SUSD4: variants seen among roughly 807,000 people sequenced by gnomAD.
SUSD4 encodes sushi domain-containing protein 4.
A neutral mutation model predicts 50.5 loss-of-function variants in SUSD4; 41 were observed. The observed-to-expected ratio is 0.81, with a 90% CI of 0.63 to 1.05. SUSD4 has a LOEUF of 1.05. Among genes scored for constraint, SUSD4 ranks in the 50% least tolerant of loss-of-function variants. The pLI is 0.00. For synonymous variants in SUSD4, 257 were observed against 257.3 expected (o/e 1.00, Z 0.01); for missense variants, 580 against 634.7 (o/e 0.91, Z 0.93).
chr1:223,264,936 C>T, intron 4 of SUSD4, 118 bp from the exon 5 acceptor site: 1 of 1,033,590 alleles, frequency 9.7e-7, no homozygotes, highest in Non-Finnish European at 1.4e-6. Flanking sequence ...GAAAATGGCA[C>T]CACCTCTGAA....
intron 5 of SUSD4, among the ~76,000 whole-genome samples, chr1:223,236,581 A>G (rs141727897): frequency 1.8e-4 from 27 of 151,824 alleles, no homozygotes; most frequent in Middle Eastern, 3.4e-3. Context: ...TGGATGCCCA[A>G]TAGTTCCAGC....
chr1:223,226,739 C>T (rs572087503), intron 7 of SUSD4, among the ~76,000 whole-genome samples: 2 of 152,194 alleles, frequency 1.3e-5, no homozygotes, highest in South Asian at 4.2e-4. Flanking sequence ...GCATTAGGTT[C>T]TGAAATGAGA....
At chr1:223,359,322 C>A (rs1315350384) in intron 2 of SUSD4, among the ~76,000 whole-genome samples, 1 of 152,132 alleles carries the variant, frequency 6.6e-6, no homozygotes, top group Non-Finnish European at 1.5e-5. Flanking sequence ...CCAGATTAAA[C>A]GGACTATTTT....
At chr1:223,251,647 T>C (rs1258408222) in intron 5 of SUSD4, among the ~76,000 whole-genome samples, 3 of 152,258 alleles carry the variant, frequency 2.0e-5, no homozygotes, top group African/African-American at 7.2e-5. Flanking sequence ...TAATCCAGTC[T>C]ATCATTGTTG....
intron 2 of SUSD4, among the ~76,000 whole-genome samples, chr1:223,331,207 G>A (rs1384684858): frequency 1.3e-5 from 2 of 152,166 alleles, no homozygotes; most frequent in South Asian, 2.1e-4. Flanking sequence ...AACTGCTCAG[G>A]ATGGTGATGA....
At chr1:223,288,383 C>T (rs1483900697) in intron 3 of SUSD4, among the ~76,000 whole-genome samples, 4 of 152,194 alleles carry the variant, frequency 2.6e-5, no homozygotes, top group Admixed American at 6.5e-5. Flanking sequence ...TCAATTAAAC[C>T]TCTTTTCTTG....
intron 2 of SUSD4, among the ~76,000 whole-genome samples, chr1:223,303,120 C>A (rs936571254): frequency 2.0e-5 from 3 of 151,878 alleles, no homozygotes; most frequent in Non-Finnish European, 4.4e-5. Context: ...GCCACTATAC[C>A]CAAGCCTGGG....
At chr1:223,315,461 C>A (rs978376660) in intron 2 of SUSD4, among the ~76,000 whole-genome samples, 1 of 152,224 alleles carries the variant, frequency 6.6e-6, no homozygotes, top group Non-Finnish European at 1.5e-5. Flanking sequence ...ATGGCTCCAA[C>A]TGGACCCGCG....
At chr1:223,281,337 C>A (rs1002526789) in intron 3 of SUSD4, among the ~76,000 whole-genome samples, 5 of 152,030 alleles carry the variant, frequency 3.3e-5, no homozygotes, top group African/African-American at 4.8e-5. Flanking sequence ...TCATAGACTG[C>A]TAGCAAGACT....
chr1:223,279,849 T>C (rs1663566521), intron 3 of SUSD4, among the ~76,000 whole-genome samples: 1 of 152,102 alleles, frequency 6.6e-6, no homozygotes, highest in Non-Finnish European at 1.5e-5. Context: ...AAAGGTTAGG[T>C]TACCCACAAA....
chr1:223,350,418 T>C (rs1217451915), intron 2 of SUSD4, among the ~76,000 whole-genome samples: 1 of 152,168 alleles, frequency 6.6e-6, no homozygotes, highest in Non-Finnish European at 1.5e-5. Context: ...CAAAGCCATG[T>C]TTGGACCCTC....
intron 5 of SUSD4, among the ~76,000 whole-genome samples, chr1:223,255,943 T>C (rs764147273): frequency 6.6e-6 from 1 of 152,086 alleles, no homozygotes; most frequent in Non-Finnish European, 1.5e-5. Flanking sequence ...AGTGTCCAGG[T>C]GGTCACTGCT....
At chr1:223,305,452 A>G (rs1285979003) in intron 2 of SUSD4, among the ~76,000 whole-genome samples, 4 of 152,228 alleles carry the variant, frequency 2.6e-5, no homozygotes, top group Non-Finnish European at 4.4e-5. Flanking sequence ...AAATTTTCCA[A>G]TAAGAGACAA....
At chr1:223,363,531 G>T in intron 1 of SUSD4, 71 bp from the exon 2 acceptor site, 1 of 1,350,260 alleles carries the variant, frequency 7.4e-7, no homozygotes. Context: ...CCCCTCCTCC[G>T]CTCTGGGACC....
At chr1:223,269,050 C>T (rs1662726281) in intron 3 of SUSD4, among the ~76,000 whole-genome samples, 1 of 152,160 alleles carries the variant, frequency 6.6e-6, no homozygotes, top group East Asian at 1.9e-4. Context: ...TGTTTGTGGA[C>T]AGAACAGAAC....
At chr1:223,360,351 A>G (rs1668904650) in intron 2 of SUSD4, 1 of 410,142 alleles carries the variant, frequency 2.4e-6, no homozygotes, top group Non-Finnish European at 5.0e-6. Flanking sequence ...GCCATGCTCC[A>G]TGCAGATTCC....
chr1:223,328,660 A>G (rs1179869259), intron 2 of SUSD4, among the ~76,000 whole-genome samples: 24 of 152,082 alleles, frequency 1.6e-4, no homozygotes, highest in Admixed American at 1.6e-3. Flanking sequence ...TATTTCCCCA[A>G]GTTCTGATTT....
intron 3 of SUSD4, among the ~76,000 whole-genome samples, chr1:223,287,664 G>A (rs914305659): frequency 7.9e-5 from 12 of 152,054 alleles, no homozygotes; most frequent in African/African-American, 2.7e-4. Flanking sequence ...CAAGCTATCT[G>A]ACAGACCTAT....
chr1:223,239,041 AGGTATTCTTGG>A (rs1254301106), intron 5 of SUSD4, among the ~76,000 whole-genome samples: 2 of 151,992 alleles, frequency 1.3e-5, no homozygotes, highest in Non-Finnish European at 2.9e-5. Context: ...AAGGACTGTT[AGGTATTCTTGG>A]GGAATTGACC....
Sources: gnomAD v4.1 joint callset for allele counts (sites outside exome capture counted in the v4.1 genomes callset) on GRCh38, gnomAD v4.1.1 for gene constraint, MANE v1.5 for transcripts, NCBI Gene and HGNC (gene_info 2026-07-23, HGNC 2026-07-21) for gene names.